DRC3: variants seen among roughly 807,000 people sequenced by gnomAD.
The protein encoded by DRC3 is leucine rich repeat containing 48.
In DRC3, 45 loss-of-function variants were observed where a neutral mutation model predicts 57.6. The observed-to-expected ratio is 0.78, with a 90% confidence interval of 0.62 to 1.00. The LOEUF (loss-of-function observed/expected upper bound fraction) is 1.00, where lower values mean the gene tolerates loss of function less well. Ranked by LOEUF, DRC3 falls within the 50% of genes least tolerant of loss-of-function variation. The pLI is 0.00. For missense variants in DRC3, 655 were observed against 675.2 expected, an observed-to-expected ratio of 0.97 and a Z score of 0.33; for synonymous variants, 257 against 272.3, an observed-to-expected ratio of 0.94 and a Z score of 0.55.
chr17:18,016,546 T>C lies in DRC3; in HGVS notation c.1459-12T>C. On this transcript the variant is annotated splice_polypyrimidine_tract_variant and intron_variant, in intron 13 of 13. Transcript: ENST00000399187. ...CTGATGTAAGGAATCGGGCTTTGGTTTCACTCCTCAGATTCACAAGGATGA... is the reference window on the plus strand; with the variant it reads ...CTGATGTAAGGAATCGGGCTTTGGTCTCACTCCTCAGATTCACAAGGATGA... 6.3e-7 allele frequency: 1 copy of C among 1,596,010 alleles called. No homozygotes were observed. The highest frequency in any genetic ancestry group is 8.6e-7 in the Non-Finnish European group (1 of 1,164,266).
Position 18,004,431 on chromosome 17 carries a change from T to G in DRC3, c.1068T>G (p.Ala356=), listed in dbSNP as rs1160850769. Residue 356 remains alanine (A), a synonymous_variant, in exon 10 of 14, where the codon GCT becomes GCG. Coordinates refer to ENST00000399187, the MANE Select transcript of DRC3 (RefSeq NM_031294.4). ...NIEKMILECS[A]DISELFDALM... is the part of the protein sequence containing the mutation. ...AGAAGATGATCCTAGAATGCAGTGC[T>G]GACATCAGTGAGTTGTTCGATGCGC... 6.2e-7 allele frequency: 1 copy of G among 1,610,622 alleles called. No homozygotes were observed. Among genetic ancestry groups the G allele is most frequent in the East Asian group, 2.2e-5 (1 of 44,828 alleles).
At position 17,997,616 on chromosome 17, in the gene DRC3, C is replaced by A; in HGVS notation, c.981C>A (p.Phe327Leu). 6.2e-7 allele frequency: 1 copy of A among 1,607,738 alleles called. No homozygotes were observed. The highest frequency in any genetic ancestry group is 8.5e-7 in the Non-Finnish European group (1 of 1,177,308). ...QEQGKRKIAK[F>L]EEKHLSSLSA... ...AGGGCAAACGCAAGATTGCCAAATTCGAGGAGAAGCACTTGTCGGTAGGCC... is the reference window on the plus strand; with the variant it reads ...AGGGCAAACGCAAGATTGCCAAATTAGAGGAGAAGCACTTGTCGGTAGGCC... The change falls in exon 9 of 14, where the codon TTC becomes TTA. Residue 327 changes from phenylalanine to leucine, a missense_variant. By Grantham distance (22) the Phe-to-Leu change is conservative (BLOSUM62 0). Transcript: ENST00000399187.
chr17:17,999,625 T>TA (rs2043606924), intron 9 of DRC3, among the ~76,000 whole-genome samples: 1 of 152,244 alleles, frequency 6.6e-6, no homozygotes, highest in Admixed American at 6.5e-5. Flanking sequence ...TGCAGCCATG[T>TA]AAGGCTTGGG....
At chr17:17,986,776 T>C (rs191766438) in intron 4 of DRC3, among the ~76,000 whole-genome samples, 2 of 151,836 alleles carry the variant, frequency 1.3e-5, no homozygotes, top group African/African-American at 4.8e-5. Flanking sequence ...AAATCACCTT[T>C]TAAATGTGAT....
At chr17:18,012,916 CA>C (rs1471585992) in intron 12 of DRC3, among the ~76,000 whole-genome samples, 1 of 152,148 alleles carries the variant, frequency 6.6e-6, no homozygotes, top group African/African-American at 2.4e-5. Flanking sequence ...ACTTATCTGA[CA>C]GGGTATTAAT....
chr17:17,976,220 A>G (rs954176658), intron 2 of DRC3, among the ~76,000 whole-genome samples: 1 of 152,268 alleles, frequency 6.6e-6, no homozygotes, highest in Middle Eastern at 3.4e-3. Flanking sequence ...AAAGTGGGGG[A>G]AAATATCCCT....
rs368789075 is a variant in DRC3 at position 17,987,985 on chromosome 17, C to G, written c.331C>G (p.Leu111Val). 6.8e-6 allele frequency: 11 copies of G among 1,613,894 alleles called. 1 individual carries two copies. The highest frequency in any genetic ancestry group is 9.3e-6 in the Non-Finnish European group (11 of 1,179,900). The change falls in exon 5 of 14, where the codon CTG becomes GTG. Residue 111 changes from leucine (L) to valine (V), a missense_variant. Transcript: ENST00000399187. ...TIEGLDTLVN[L>V]EDLSLFNNRI... Reference sequence around the variant, plus strand: ...CGAGGGGCTGGACACACTGGTGAACCTGGAGGACCTGAGCTTGTTCAACAA... The same window carrying G: ...CGAGGGGCTGGACACACTGGTGAACGTGGAGGACCTGAGCTTGTTCAACAA...
intron 9 of DRC3, among the ~76,000 whole-genome samples, chr17:18,003,235 A>C (rs1217356372): frequency 6.6e-6 from 1 of 152,064 alleles, no homozygotes; most frequent in African/African-American, 2.4e-5. Context: ...CTGTAATCTC[A>C]GCACTCTGGG....
intron 9 of DRC3, among the ~76,000 whole-genome samples, chr17:18,000,357 AGTGT>A (rs113487468): frequency 2.8e-3 from 180 of 65,320 alleles, no homozygotes; most frequent in East Asian, 5.0e-3. Flanking sequence ...CTTTCACGTG[AGTGT>A]GTGTGTGTGT....
At position 17,982,150 on chromosome 17, in the gene DRC3, G is replaced by A. The variant is rs192094884; in HGVS notation, c.161-1678G>A. Among the ~76,000 whole-genome samples the A allele has an allele frequency of 3.3e-3, 500 of 151,272 alleles. 3 individuals carry two copies. Among genetic ancestry groups the A allele is most frequent in the Admixed American group, 0.01 (153 of 15,180 alleles). ...TGGGATTACAAGCGCGTGTCACCAC[G>A]CCCAACTAATTTTTGTATTTTTAGT... On this transcript the variant is annotated intron_variant, in intron 3 of 13. Transcript: ENST00000399187.
intron 9 of DRC3, among the ~76,000 whole-genome samples, chr17:18,001,802 A>G (rs1206563269): frequency 1.3e-5 from 2 of 152,174 alleles, no homozygotes. Context: ...AGAATTAAAA[A>G]ATTTTTAAGG....
rs2042192270 is a variant in DRC3, at chr17:17,972,920, C to CA, written c.-181dup. ...CAAGTCGCGGCGCTTGGTTCCCCAG[C>CA]AACCGGGAGACGCGTCTGCTGCGTG... On this transcript the variant is annotated 5_prime_UTR_variant, in exon 1 of 14. Transcript: ENST00000399187. The CA allele has an allele frequency of 6.5e-6, 1 of 152,854 alleles. No individual in the cohort carries two copies. Among genetic ancestry groups the CA allele is most frequent in the Admixed American group, 6.5e-5 (1 of 15,290 alleles). The allele number at this position is 152,854 out of a possible 1,614,324, so 9.5% of individuals were successfully genotyped here.
rs2043510551 is a variant in DRC3, at chr17:17,997,529, G to A, written c.894G>A (p.Arg298=). The change falls in exon 9 of 14, where the codon CGG becomes CGA. Residue 298 remains arginine (R), a synonymous_variant. Transcript: ENST00000399187. ...ATGGCCTGAAACAGCAGGAGAAGCG[G>A]AAAACAGAGCTTGACACCTTCAGTG... is the stretch of plus-strand genomic sequence containing the variant. ...FEYGLKQQEK[R]KTELDTFSEC... 6.2e-7 allele frequency: 1 copy of A among 1,611,366 alleles called. No individual in the cohort carries two copies. The highest frequency in any genetic ancestry group is 1.1e-5 in the South Asian group (1 of 90,520).
intron 4 of DRC3, among the ~76,000 whole-genome samples, chr17:17,986,084 G>C (rs1158395549): frequency 2.0e-5 from 3 of 152,064 alleles, no homozygotes; most frequent in African/African-American, 7.2e-5. Flanking sequence ...GCTAATTTTT[G>C]TATTTTTAGT....
rs138483069 is a variant in DRC3 at position 17,984,803 on chromosome 17, G to A, written c.277+859G>A. Among the ~76,000 whole-genome samples, 332 of 152,194 alleles carry A rather than the reference G, an allele frequency of 2.2e-3. 1 individual carries two copies. The highest frequency in any genetic ancestry group is 7.3e-3 in the African/African-American group (303 of 41,518). On this transcript the variant is annotated intron_variant, in intron 4 of 13. Transcript: ENST00000399187. ...CTATTAGGCGGTCTTCTGGTAATAA[G>A]GGCACCCTGGGGCATCGTGAGCCTT...
intron 2 of DRC3, among the ~76,000 whole-genome samples, chr17:17,976,628 C>G (rs1236439360): frequency 6.6e-6 from 1 of 152,122 alleles, no homozygotes; most frequent in Non-Finnish European, 1.5e-5. Context: ...GAGCTGAGAC[C>G]GCGCCATTGT....
At position 17,994,389 on chromosome 17, in the gene DRC3, G is replaced by T; in HGVS notation, c.682G>T (p.Ala228Ser). Reference sequence around the variant, plus strand: ...GCAGGCCCAGCTGGAGGACGAGCAGGCGCAGCGGGAGGAGCTAGAGAAGCA... The same window carrying T: ...GCAGGCCCAGCTGGAGGACGAGCAGTCGCAGCGGGAGGAGCTAGAGAAGCA... ...LMQAQLEDEQAQREELEKHKT... is the reference protein window; with the variant it reads ...LMQAQLEDEQSQREELEKHKT... The change falls in exon 7 of 14, where the codon GCG (alanine) becomes TCG (serine). Residue 228 changes from alanine to serine, a missense_variant. Physicochemically the swap from Ala to Ser is moderately conservative, Grantham distance 99 (BLOSUM62 1). Transcript: ENST00000399187. 6.4e-7 allele frequency: 1 copy of T among 1,553,984 alleles called. No homozygotes were observed. Among genetic ancestry groups the T allele is most frequent in the Non-Finnish European group, 8.7e-7 (1 of 1,148,566 alleles).
At chr17:18,016,334 C>A in intron 13 of DRC3, 139 bp downstream of exon 13, 1 of 1,023,958 alleles carries the variant, frequency 9.8e-7, no homozygotes, top group Non-Finnish European at 1.5e-6. Context: ...TAGAATTCCA[C>A]ACTGAAGACA....
intron 2 of DRC3, among the ~76,000 whole-genome samples, chr17:17,974,972 G>C (rs985125224): frequency 6.6e-6 from 1 of 152,190 alleles, no homozygotes; most frequent in African/African-American, 2.4e-5. Context: ...GAAAGCCAAG[G>C]CTTAGATAGG....
Sources: gnomAD v4.1 joint callset for allele counts (sites outside exome capture counted in the v4.1 genomes callset) on GRCh38, gnomAD v4.1.1 for gene constraint, MANE v1.5 for transcripts, NCBI Gene and HGNC (gene_info 2026-07-23, HGNC 2026-07-21) for gene names.